Variants in PTPRM observed in about 807,000 individuals in gnomAD.
The protein encoded by PTPRM is protein tyrosine phosphatase receptor type M, also known as receptor-type tyrosine-protein phosphatase mu.
Under a neutral mutation model 186.7 loss-of-function variants are expected in PTPRM, and 47 were observed. The ratio of observed to expected loss-of-function variants is 0.25; its 90% CI spans 0.20 to 0.32. The LOEUF (loss-of-function observed/expected upper bound fraction) is 0.32. Ranked by LOEUF, PTPRM falls within the 10% of genes least tolerant of loss-of-function variation. The pLI is 1.00. For synonymous variants in PTPRM, 668 were observed against 674.9 expected (o/e 0.99, Z 0.16); for missense variants, 1,494 against 1,865.0 (o/e 0.80, Z 3.66).
intron 1 of PTPRM, among the ~76,000 whole-genome samples, chr18:7,591,725 G>A (rs1295240156): frequency 2.0e-5 from 3 of 152,242 alleles, no homozygotes; most frequent in East Asian, 3.9e-4. Context: ...CTTAAAGAGA[G>A]GGAAACAATT....
chr18:7,810,055 G>A lies in PTPRM; in HGVS notation c.196+35784G>A, dbSNP rs539077758. Among the ~76,000 whole-genome samples, 15 of 152,344 alleles carry A rather than the reference G, an allele frequency of 9.8e-5. No individual in the cohort carries two copies. The East Asian group carries it at 2.7e-3, about 27-fold the overall frequency. ...GAATAATAGGAGGCAGGTGGAACCT[G>A]GAGGTGGGGTTGGGGGAGAGGCAAT... On this transcript the variant is annotated intron_variant, in intron 2 of 32. Coordinates refer to ENST00000580170, the MANE Select transcript of PTPRM (RefSeq NM_001105244.2).
chr18:7,890,593 T>G (rs2049023310), intron 3 of PTPRM, among the ~76,000 whole-genome samples: 1 of 152,098 alleles, frequency 6.6e-6, no homozygotes, highest in Non-Finnish European at 1.5e-5. Flanking sequence ...CTTTTTAGAG[T>G]ATGTACTTTG....
chr18:7,575,897 CTT>C (rs1345667103), intron 1 of PTPRM, among the ~76,000 whole-genome samples: 2 of 152,150 alleles, frequency 1.3e-5, no homozygotes, highest in Non-Finnish European at 2.9e-5. Context: ...TCATCAAAAA[CTT>C]TATATGAAAT....
intron 7 of PTPRM, among the ~76,000 whole-genome samples, chr18:8,067,118 C>CTT (rs966946799): frequency 3.3e-5 from 5 of 152,168 alleles, no homozygotes; most frequent in Non-Finnish European, 7.3e-5. Flanking sequence ...TATCTGAAGC[C>CTT]TTTAGTCATT....
Position 8,085,768 on chromosome 18 carries a change from T to G in PTPRM, c.1649T>G (p.Phe550Cys), listed in dbSNP as rs772075399. The G allele has an allele frequency of 1.2e-6, 2 of 1,613,340 alleles. No individual in the cohort carries two copies. The highest frequency in any genetic ancestry group is 2.2e-5 in the South Asian group (2 of 91,066). Residue 550 changes from phenylalanine (F) to cysteine (C), a missense_variant, in exon 10 of 33, where the codon TTT (phenylalanine) becomes TGT (cysteine). Physicochemically the swap from Phe to Cys is radical, Grantham distance 205. This residue lies in a region of PTPRM where 1,107 missense variants were observed against 1,350.2 expected (regional missense o/e 0.82). Transcript: ENST00000580170. ...CTGGGAAATGAAACCCATTTTCTGT[T>G]TTTTGGACTGTATCCGGGGACCACA... is the stretch of plus-strand genomic sequence containing the variant. ...SKLGNETHFLFFGLYPGTTYS... is the reference protein window; with the variant it reads ...SKLGNETHFLCFGLYPGTTYS...
At chr18:8,397,055 G>GT (rs1469053824) in intron 32 of PTPRM, among the ~76,000 whole-genome samples, 2 of 152,218 alleles carry the variant, frequency 1.3e-5, no homozygotes, top group Non-Finnish European at 2.9e-5. Flanking sequence ...ACAGAATGTT[G>GT]TGCCAGCAGC....
intron 4 of PTPRM, among the ~76,000 whole-genome samples, chr18:7,920,736 T>C (rs1380850984): frequency 3.3e-5 from 5 of 152,212 alleles, no homozygotes; most frequent in African/African-American, 1.2e-4. Context: ...TAGTGTTTTT[T>C]TCCTTTCAGA....
chr18:7,731,344 A>T (rs2040654647), intron 1 of PTPRM, among the ~76,000 whole-genome samples: 1 of 152,248 alleles, frequency 6.6e-6, no homozygotes, highest in Non-Finnish European at 1.5e-5. Context: ...ATGCAATGGT[A>T]TAAAATAGTA....
At chr18:7,844,193 A>T (rs1227983307) in intron 2 of PTPRM, among the ~76,000 whole-genome samples, 1 of 152,242 alleles carries the variant, frequency 6.6e-6, no homozygotes, top group East Asian at 1.9e-4. Flanking sequence ...GAGCATGTGT[A>T]ACAGGATATA....
At chr18:7,569,788 T>C (rs2036524513) in intron 1 of PTPRM, among the ~76,000 whole-genome samples, 1 of 152,256 alleles carries the variant, frequency 6.6e-6, no homozygotes. Context: ...AATAGACTTC[T>C]ACTAAAATTT....
chr18:8,052,183 T>G (rs894153363), intron 7 of PTPRM, among the ~76,000 whole-genome samples: 8 of 152,130 alleles, frequency 5.3e-5, no homozygotes, highest in African/African-American at 1.7e-4. Flanking sequence ...GGCTCTAGGC[T>G]CTTTCTCAAA....
intron 14 of PTPRM, among the ~76,000 whole-genome samples, chr18:8,211,377 C>CTTTTTTTTTTTTTTTTTT (rs970926126): frequency 9.9e-4 from 86 of 87,232 alleles, no homozygotes; most frequent in East Asian, 1.1e-3. Context: ...GTCTCTTCTT[C>CTTTTTTTTTTTTTTTTTT]TTTTTTTTTT....
intron 7 of PTPRM, among the ~76,000 whole-genome samples, chr18:7,975,609 C>T (rs934417451): frequency 6.6e-6 from 1 of 152,128 alleles, no homozygotes. Flanking sequence ...TATAACGGAG[C>T]TGAAAATCAC....
rs115274945 is a variant in PTPRM, at chr18:8,162,815, A to G, written c.2300+19036A>G. On this transcript the variant is annotated intron_variant, in intron 14 of 32. Coordinates refer to ENST00000580170, the MANE Select transcript of PTPRM (RefSeq NM_001105244.2). ...TGTTTCAGGAGGTGGGGAGGGAATA[A>G]AAATTTAAACAGTCTCCAGGGCCCT... is the stretch of plus-strand genomic sequence containing the variant. Among the ~76,000 whole-genome samples, 955 of 152,314 alleles carry G rather than the reference A, an allele frequency of 6.3e-3. 11 individuals carry two copies. Among genetic ancestry groups the G allele is most frequent in the African/African-American group, 0.022 (912 of 41,554 alleles).
intron 32 of PTPRM, among the ~76,000 whole-genome samples, chr18:8,400,246 A>G (rs898251124): frequency 6.6e-6 from 1 of 152,302 alleles, no homozygotes; most frequent in Admixed American, 6.5e-5. Flanking sequence ...CTTTAGAACA[A>G]TTCTGATCCC....
intron 1 of PTPRM, among the ~76,000 whole-genome samples, chr18:7,594,497 C>A (rs1318026208): frequency 5.3e-5 from 8 of 150,968 alleles, no homozygotes; most frequent in Non-Finnish European, 7.4e-5. Context: ...AAAAAAAAAA[C>A]CAAACAAACA....
At chr18:8,349,861 A>G (rs1315441034) in intron 23 of PTPRM, among the ~76,000 whole-genome samples, 2 of 152,210 alleles carry the variant, frequency 1.3e-5, no homozygotes, top group East Asian at 3.8e-4. Context: ...CTTTCATATC[A>G]GTCCCAGTAG....
At chr18:8,199,483 A>G (rs2093823946) in intron 14 of PTPRM, among the ~76,000 whole-genome samples, 1 of 152,226 alleles carries the variant, frequency 6.6e-6, no homozygotes, top group Non-Finnish European at 1.5e-5. Flanking sequence ...TGATATTAGT[A>G]GGAGACACCT....
intron 1 of PTPRM, among the ~76,000 whole-genome samples, chr18:7,697,396 A>G (rs931379119): frequency 6.6e-6 from 1 of 152,160 alleles, no homozygotes; most frequent in African/African-American, 2.4e-5. Context: ...CTATAAACAA[A>G]CAAGCAAACA....
Sources: allele counts gnomAD v4.1 joint callset (sites outside exome capture counted in the v4.1 genomes callset), GRCh38; gene constraint gnomAD v4.1.1; regional missense constraint gnomAD v4.1.1; transcripts MANE v1.5; gene names NCBI Gene and HGNC (gene_info 2026-07-23, HGNC 2026-07-21).